Variants in ADAM18 observed in about 807,000 individuals in gnomAD.
ADAM18 encodes disintegrin and metalloproteinase domain-containing protein 18.
ADAM18 carries 117 observed loss-of-function variants against 94.4 expected under a neutral mutation model. That is an observed-to-expected ratio of 1.24 (90% CI 1.07 to 1.45). The LOEUF (loss-of-function observed/expected upper bound fraction) is 1.45, where lower values mean the gene tolerates loss of function less well. ADAM18 is among the 40% of genes most tolerant of loss of function. The pLI, the probability that ADAM18 is intolerant of heterozygous loss-of-function variation, is 0.00. For synonymous variants in ADAM18, 327 were observed against 291.6 expected (o/e 1.12, Z -1.24); for missense variants, 936 against 880.0 (o/e 1.06, Z -0.81).
chr8:39,723,214 G>A (rs1822809477), intron 18 of ADAM18, among the ~76,000 whole-genome samples: 1 of 151,382 alleles, frequency 6.6e-6, no homozygotes. Context: ...ATGTCAATGA[G>A]TGGAAAGATA....
In ADAM18 at chr8:39,638,463, A is replaced by AGCT; in HGVS notation, c.828-1_828insCTG. ...CGTTAATAAAAAATTATAATAATGT[A>AGCT]GTTACAGGAAACATCCTAAATATGT... On this transcript the variant is annotated splice_acceptor_variant, in intron 9 of 19. Coordinates refer to ENST00000265707, the MANE Select transcript of ADAM18 (RefSeq NM_014237.3). LOFTEE classifies it high-confidence loss of function. 1 of 1,541,152 alleles carries AGCT rather than the reference A, an allele frequency of 6.5e-7. No homozygotes were observed. The highest frequency in any genetic ancestry group is 8.8e-7 in the Non-Finnish European group (1 of 1,135,730).
At chr8:39,628,801 G>C (rs182292395) in intron 6 of ADAM18, among the ~76,000 whole-genome samples, 1 of 151,958 alleles carries the variant, frequency 6.6e-6, no homozygotes, top group African/African-American at 2.4e-5. Flanking sequence ...GAGTACACAG[G>C]GAAGAACAGA....
chr8:39,609,632 A>G (rs1255888293), intron 5 of ADAM18, 71 bp downstream of exon 5: 3 of 1,024,212 alleles, frequency 2.9e-6, no homozygotes, highest in South Asian at 3.2e-5. Flanking sequence ...CTTAGTGACT[A>G]GCAGACACAA....
intron 12 of ADAM18, among the ~76,000 whole-genome samples, chr8:39,657,268 T>C (rs1820713852): frequency 6.6e-6 from 1 of 152,196 alleles, no homozygotes; most frequent in African/African-American, 2.4e-5. Flanking sequence ...CAAGATCACA[T>C]TTCCTTTTAT....
At chr8:39,597,807 G>C (rs956011996) in intron 2 of ADAM18, among the ~76,000 whole-genome samples, 1 of 152,090 alleles carries the variant, frequency 6.6e-6, no homozygotes, top group African/African-American at 2.4e-5. Flanking sequence ...TTTGTTTGTC[G>C]ATATTTGCAA....
At chr8:39,706,008 C>G (rs1422729651) in intron 17 of ADAM18, among the ~76,000 whole-genome samples, 2 of 152,160 alleles carry the variant, frequency 1.3e-5, no homozygotes, top group South Asian at 2.1e-4. Flanking sequence ...AACACAACAT[C>G]TTTAGCAGTT....
chr8:39,618,941 T>C (rs1819525718), intron 6 of ADAM18, among the ~76,000 whole-genome samples: 1 of 152,164 alleles, frequency 6.6e-6, no homozygotes, highest in African/African-American at 2.4e-5. Context: ...TGCATACAAC[T>C]TGGTGTTTAC....
At chr8:39,605,130 T>G (rs1247224914) in intron 2 of ADAM18, among the ~76,000 whole-genome samples, 3 of 152,310 alleles carry the variant, frequency 2.0e-5, no homozygotes, top group East Asian at 3.9e-4. Flanking sequence ...TTCTGCCATT[T>G]CCAGTCATAG....
chr8:39,600,045 G>A (rs910162122), intron 2 of ADAM18, among the ~76,000 whole-genome samples: 1 of 152,050 alleles, frequency 6.6e-6, no homozygotes, highest in African/African-American at 2.4e-5. Context: ...CATTAAGTCT[G>A]ACATTAGCTG....
At chr8:39,701,926 G>C (rs2129581176) in intron 17 of ADAM18, among the ~76,000 whole-genome samples, 1 of 152,210 alleles carries the variant, frequency 6.6e-6, no homozygotes, top group East Asian at 1.9e-4. Flanking sequence ...ATTTGCTATT[G>C]TGACTAGTGC....
At chr8:39,602,329 G>A (rs987630913) in intron 2 of ADAM18, among the ~76,000 whole-genome samples, 4 of 152,104 alleles carry the variant, frequency 2.6e-5, no homozygotes, top group Non-Finnish European at 4.4e-5. Context: ...ATTACTCTAC[G>A]TACACACCAA....
At chr8:39,631,734 T>C (rs191006721) in intron 7 of ADAM18, among the ~76,000 whole-genome samples, 2 of 152,170 alleles carry the variant, frequency 1.3e-5, no homozygotes, top group Admixed American at 1.3e-4. Context: ...TGGAATTACA[T>C]TGAATGGTTA....
At chr8:39,674,763 G>C (rs934888890) in intron 14 of ADAM18, among the ~76,000 whole-genome samples, 1 of 152,174 alleles carries the variant, frequency 6.6e-6, no homozygotes, top group Non-Finnish European at 1.5e-5. Flanking sequence ...GCTAGTACCA[G>C]TTCTTTCTTT....
At chr8:39,721,117 A>C (rs1283436978) in intron 18 of ADAM18, among the ~76,000 whole-genome samples, 1 of 151,490 alleles carries the variant, frequency 6.6e-6, no homozygotes, top group Non-Finnish European at 1.5e-5. Flanking sequence ...TCAGAAAACA[A>C]TGTGCATGCA....
At chr8:39,599,874 T>C (rs1818852824) in intron 2 of ADAM18, among the ~76,000 whole-genome samples, 1 of 151,854 alleles carries the variant, frequency 6.6e-6, no homozygotes, top group African/African-American at 2.4e-5. Context: ...TTTAAAAAAT[T>C]TGTGTTTTTT....
At chr8:39,647,091 C>A (rs927241077) in intron 11 of ADAM18, among the ~76,000 whole-genome samples, 1 of 151,916 alleles carries the variant, frequency 6.6e-6, no homozygotes, top group Non-Finnish European at 1.5e-5. Flanking sequence ...AAACAGTGGG[C>A]CCAGGAGACC....
intron 11 of ADAM18, among the ~76,000 whole-genome samples, chr8:39,648,095 T>C (rs1820433776): frequency 6.6e-6 from 1 of 152,214 alleles, no homozygotes; most frequent in African/African-American, 2.4e-5. Flanking sequence ...TGCATAGATA[T>C]AGATACATAG....
chr8:39,705,732 C>T (rs765221850), intron 17 of ADAM18, among the ~76,000 whole-genome samples: 9 of 151,998 alleles, frequency 5.9e-5, no homozygotes, highest in Non-Finnish European at 5.9e-5. Flanking sequence ...TAATCAATTT[C>T]AATATACTAT....
chr8:39,690,890 G>A (rs1017707080), intron 16 of ADAM18, among the ~76,000 whole-genome samples: 15 of 152,150 alleles, frequency 9.9e-5, no homozygotes, highest in Non-Finnish European at 1.9e-4. Flanking sequence ...CTCTATCAAA[G>A]AGACACAAGC....
Sources: allele counts gnomAD v4.1 joint callset (sites outside exome capture counted in the v4.1 genomes callset), GRCh38; gene constraint gnomAD v4.1.1; transcripts MANE v1.5; gene names NCBI Gene and HGNC (gene_info 2026-07-23, HGNC 2026-07-21).